The following PEX5L variants were observed in gnomAD, a reference collection of about 807,000 sequenced individuals.
PEX5L encodes peroxisomal biogenesis factor 5 like, also known as PEX5-related protein.
Under a neutral mutation model 84.0 loss-of-function variants are expected in PEX5L, and 30 were observed. That is an observed-to-expected ratio of 0.36 (90% CI 0.27 to 0.48). The LOEUF is 0.48. Ranked by LOEUF, PEX5L falls within the 20% of genes least tolerant of loss-of-function variation. PEX5L has a pLI of 0.99. For synonymous variants in PEX5L, 270 were observed against 283.1 expected (o/e 0.95, Z 0.46); for missense variants, 533 against 754.6 (o/e 0.71, Z 3.44).
At position 179,855,628 on chromosome 3, in the gene PEX5L, T is replaced by C. The variant is rs569208157; in HGVS notation, c.822+3434A>G. Among the ~76,000 whole-genome samples, 7 of 152,312 alleles carry C rather than the reference T, an allele frequency of 4.6e-5. No individual in the cohort carries two copies. In the East Asian group the frequency reaches 1.4e-3, roughly 29 times the overall value. On this transcript the variant is annotated intron_variant, in intron 8 of 14. Transcript: ENST00000467460. ...CTGAATGTGTTCCCTCAAATTCGTA[T>C]GTTGAAACCTAACTCCAAAGGTGAT...
chr3:180,014,038 G>A (rs1273491354), intron 1 of PEX5L, among the ~76,000 whole-genome samples: 1 of 152,164 alleles, frequency 6.6e-6, no homozygotes, highest in Admixed American at 6.5e-5. Flanking sequence ...GGCACCATTG[G>A]GTGGGAAAGG....
chr3:179,935,357 A>G (rs1302835795), intron 2 of PEX5L, among the ~76,000 whole-genome samples: 1 of 152,158 alleles, frequency 6.6e-6, no homozygotes, highest in African/African-American at 2.4e-5. Context: ...GTGCTTATGG[A>G]TCATTTTTGC....
chr3:179,843,225 T>C (rs1050528630), intron 8 of PEX5L, among the ~76,000 whole-genome samples: 2 of 152,182 alleles, frequency 1.3e-5, no homozygotes, highest in Non-Finnish European at 2.9e-5. Flanking sequence ...TTAGAAATCA[T>C]TGAGTCCAGA....
At chr3:179,847,389 C>T (rs998670715) in intron 8 of PEX5L, among the ~76,000 whole-genome samples, 3 of 152,066 alleles carry the variant, frequency 2.0e-5, no homozygotes, top group Non-Finnish European at 4.4e-5. Context: ...GTACTGATGA[C>T]TGATCACCTG....
intron 1 of PEX5L, among the ~76,000 whole-genome samples, chr3:180,013,184 G>T (rs1789642364): frequency 6.6e-6 from 1 of 152,052 alleles, no homozygotes; most frequent in Non-Finnish European, 1.5e-5. Context: ...ATAAACAATT[G>T]GTTCTTAATA....
At chr3:179,848,544 C>A (rs1466579392) in intron 8 of PEX5L, among the ~76,000 whole-genome samples, 4 of 135,952 alleles carry the variant, frequency 2.9e-5, no homozygotes, top group African/African-American at 9.3e-5. Flanking sequence ...CAGAGTGAAA[C>A]CTCTCTCAAA....
At chr3:179,960,522 T>C (rs377588004) in intron 2 of PEX5L, among the ~76,000 whole-genome samples, 4 of 152,288 alleles carry the variant, frequency 2.6e-5, no homozygotes, top group African/African-American at 9.6e-5. Context: ...TAAGCAGTGT[T>C]GGGGTCCATG....
At chr3:179,839,365 A>G (rs1359181412) in intron 8 of PEX5L, among the ~76,000 whole-genome samples, 1 of 152,224 alleles carries the variant, frequency 6.6e-6, no homozygotes, top group Non-Finnish European at 1.5e-5. Context: ...TTCTTTAGCT[A>G]AAAATTACAT....
chr3:179,824,488 C>G (rs1729629209), intron 8 of PEX5L, among the ~76,000 whole-genome samples: 2 of 152,062 alleles, frequency 1.3e-5, no homozygotes, highest in Admixed American at 6.5e-5. Flanking sequence ...GGTGGATCAC[C>G]TGAGGTCGGG....
Position 180,019,389 on chromosome 3 carries a change from C to G in PEX5L, c.21+17190G>C, listed in dbSNP as rs373440070. Among the ~76,000 whole-genome samples the G allele has an allele frequency of 5.3e-5, 8 of 152,162 alleles. No individual in the cohort carries two copies. The East Asian group carries it at 1.3e-3, about 26-fold the overall frequency. ...TGTTTGCCAAGAACTTTCACTGTCCCAAGGTATTAAATTTGCTAACATTCT... is the reference window on the plus strand; with the variant it reads ...TGTTTGCCAAGAACTTTCACTGTCCGAAGGTATTAAATTTGCTAACATTCT... On this transcript the variant is annotated intron_variant, in intron 1 of 14. Coordinates refer to ENST00000467460, the MANE Select transcript of PEX5L (RefSeq NM_016559.3).
At position 179,801,807 on chromosome 3, in the gene PEX5L, A is replaced by G. The variant is rs1336653683; in HGVS notation, c.*21T>C. 2 of 1,377,716 alleles carry G rather than the reference A, an allele frequency of 1.5e-6. No individual in the cohort carries two copies. Among genetic ancestry groups the G allele is most frequent in the South Asian group, 2.3e-5 (2 of 86,346 alleles). 85.3% of individuals were successfully genotyped at this position (1,377,716 alleles called of 1,614,324 possible). A position where few individuals can be genotyped will look rare whatever the true frequency, so the allele number is the denominator to read the frequency against. On this transcript the variant is annotated 3_prime_UTR_variant, in exon 15 of 15. Transcript: ENST00000467460. The stretch of plus-strand genomic sequence containing the variant: ...ACAATCACACAGATCAGGGATTATT[A>G]GTACTGGTATTATTCTTTCTTCAAG...
At chr3:179,830,789 T>C (rs1449412551) in intron 8 of PEX5L, among the ~76,000 whole-genome samples, 3 of 152,062 alleles carry the variant, frequency 2.0e-5, no homozygotes, top group African/African-American at 7.2e-5. Context: ...TCCCCAAAAA[T>C]GCCAGGCCAG....
intron 2 of PEX5L, among the ~76,000 whole-genome samples, chr3:179,923,783 C>T (rs1178122706): frequency 6.6e-6 from 1 of 152,142 alleles, no homozygotes; most frequent in Admixed American, 6.5e-5. Context: ...GACATAAGAA[C>T]TAGATGAAGC....
intron 8 of PEX5L, among the ~76,000 whole-genome samples, chr3:179,840,498 G>A (rs1446369008): frequency 6.6e-6 from 1 of 152,070 alleles, no homozygotes; most frequent in Non-Finnish European, 1.5e-5. Context: ...CTACTGTCAG[G>A]TTTTAAGCAG....
At chr3:179,915,845 G>C (rs942598668) in intron 2 of PEX5L, among the ~76,000 whole-genome samples, 1 of 152,196 alleles carries the variant, frequency 6.6e-6, no homozygotes, top group African/African-American at 2.4e-5. Context: ...TGAAGAGTGT[G>C]ATGGTCCAAA....
At chr3:179,914,707 G>A (rs1766408271) in intron 2 of PEX5L, among the ~76,000 whole-genome samples, 1 of 152,188 alleles carries the variant, frequency 6.6e-6, no homozygotes, top group Admixed American at 6.6e-5. Flanking sequence ...ACCAACATCC[G>A]AGGCAAAGAC....
chr3:179,973,158 C>T, intron 1 of PEX5L: 3 of 1,287,838 alleles, frequency 2.3e-6, no homozygotes, highest in South Asian at 1.2e-5. Context: ...TGTATACGTA[C>T]CAAGTAGCTC....
chr3:179,963,791 A>G (rs1430342238), intron 2 of PEX5L, among the ~76,000 whole-genome samples: 2 of 152,140 alleles, frequency 1.3e-5, no homozygotes, highest in African/African-American at 4.8e-5. Flanking sequence ...GCTCCCACCA[A>G]GTAGCCACTG....
intron 7 of PEX5L, among the ~76,000 whole-genome samples, chr3:179,869,925 C>G (rs925629793): frequency 6.6e-6 from 1 of 152,226 alleles, no homozygotes; most frequent in East Asian, 1.9e-4. Context: ...TAAGTTCAGC[C>G]TAAAGATTTC....
Sources: gnomAD v4.1 joint callset for allele counts (sites outside exome capture counted in the v4.1 genomes callset) on GRCh38, gnomAD v4.1.1 for gene constraint, MANE v1.5 for transcripts, NCBI Gene and HGNC (gene_info 2026-07-23, HGNC 2026-07-21) for gene names.